The following ARHGAP10 variants were observed in gnomAD, a reference collection of about 807,000 sequenced individuals.
ARHGAP10 encodes rho GTPase-activating protein 10.
In ARHGAP10, 87 loss-of-function variants were observed where a neutral mutation model predicts 108.6. The ratio of observed to expected loss-of-function variants is 0.80; its 90% CI spans 0.67 to 0.96. The LOEUF (loss-of-function observed/expected upper bound fraction) is 0.96, where lower values mean the gene tolerates loss of function less well. ARHGAP10 is among the 40% of genes least tolerant of loss of function. ARHGAP10 has a pLI of 0.00. For missense variants in ARHGAP10, 939 were observed against 954.5 expected, an observed-to-expected ratio of 0.98 and a Z score of 0.21; for synonymous variants, 347 against 341.1, an observed-to-expected ratio of 1.02 and a Z score of -0.19.
chr4:147,793,776 C>T (rs78531415), intron 1 of ARHGAP10, among the ~76,000 whole-genome samples: 6,708 of 152,224 alleles, frequency 0.044, 174 homozygotes, highest in South Asian at 0.097. Flanking sequence ...TGCCTGTGTA[C>T]GTGCCTTCCC....
intron 20 of ARHGAP10, among the ~76,000 whole-genome samples, chr4:148,051,326 C>T (rs868181501): frequency 2.0e-5 from 3 of 152,162 alleles, no homozygotes; most frequent in African/African-American, 7.2e-5. Context: ...CAAGGTATTT[C>T]GAATGTTCCA....
chr4:147,956,012 C>T (rs964449915), intron 16 of ARHGAP10, among the ~76,000 whole-genome samples: 9 of 152,056 alleles, frequency 5.9e-5, no homozygotes, highest in Non-Finnish European at 1.2e-4. Context: ...ATCTTTGACA[C>T]GTGTTGTTTA....
At chr4:148,041,774 C>G (rs1339789185) in intron 19 of ARHGAP10, among the ~76,000 whole-genome samples, 1 of 152,148 alleles carries the variant, frequency 6.6e-6, no homozygotes, top group Admixed American at 6.5e-5. Flanking sequence ...CAATTGTGGT[C>G]AGTTTTTATG....
intron 1 of ARHGAP10, among the ~76,000 whole-genome samples, chr4:147,736,022 G>A (rs1728396730): frequency 6.6e-6 from 1 of 151,850 alleles, no homozygotes; most frequent in Non-Finnish European, 1.5e-5. Context: ...AATGTATCTT[G>A]TTCTTTAGAG....
chr4:147,779,930 C>G (rs1456348702), intron 1 of ARHGAP10, among the ~76,000 whole-genome samples: 1 of 152,162 alleles, frequency 6.6e-6, no homozygotes, highest in Non-Finnish European at 1.5e-5. Flanking sequence ...GACACTTACA[C>G]CCTTATAGTC....
intron 3 of ARHGAP10, among the ~76,000 whole-genome samples, chr4:147,839,779 C>T (rs1733337199): frequency 6.6e-6 from 1 of 152,178 alleles, no homozygotes; most frequent in Non-Finnish European, 1.5e-5. Context: ...CTAGCGTGGA[C>T]TGTGGAGGAT....
intron 19 of ARHGAP10, among the ~76,000 whole-genome samples, chr4:148,037,631 T>G (rs1728437821): frequency 6.6e-6 from 1 of 152,044 alleles, no homozygotes; most frequent in South Asian, 2.1e-4. Flanking sequence ...GGTCAGGAGA[T>G]TGAGATCATC....
chr4:147,970,236 C>T (rs1049643115), intron 18 of ARHGAP10, among the ~76,000 whole-genome samples: 1 of 152,134 alleles, frequency 6.6e-6, no homozygotes, highest in African/African-American at 2.4e-5. Flanking sequence ...TCTATGTTAG[C>T]CACGGGTTTC....
intron 1 of ARHGAP10, among the ~76,000 whole-genome samples, chr4:147,787,972 A>G (rs1023069032): frequency 6.6e-6 from 1 of 152,180 alleles, no homozygotes; most frequent in Admixed American, 6.5e-5. Context: ...AGGGCTAAGA[A>G]TTTAAAACCC....
At chr4:148,020,523 A>G (rs1054704946) in intron 18 of ARHGAP10, among the ~76,000 whole-genome samples, 3 of 150,656 alleles carry the variant, frequency 2.0e-5, no homozygotes, top group Non-Finnish European at 2.9e-5. Flanking sequence ...GCTCCTACTT[A>G]TAAGTGAGAA....
intron 1 of ARHGAP10, among the ~76,000 whole-genome samples, chr4:147,744,662 C>T (rs908210139): frequency 1.3e-5 from 2 of 152,058 alleles, no homozygotes; most frequent in East Asian, 1.9e-4. Context: ...TGCCCTGACA[C>T]CTCAGGTTCT....
intron 1 of ARHGAP10, among the ~76,000 whole-genome samples, chr4:147,749,078 A>G (rs569667287): frequency 6.6e-6 from 1 of 152,380 alleles, no homozygotes; most frequent in Admixed American, 6.5e-5. Context: ...TGAGGACTAT[A>G]TGAAAACAGT....
Position 147,912,837 on chromosome 4 carries a change from G to A in ARHGAP10, c.1163-237G>A, listed in dbSNP as rs547914429. 1.7e-4 allele frequency among the ~76,000 whole-genome samples: 26 copies of A among 151,386 alleles called. No homozygotes were observed. In the South Asian group the frequency reaches 5.4e-3, roughly 32 times the overall value. Reference sequence around the variant, plus strand: ...ATTTAAAAACATCTTCAGTAGAGGTGGGGCCTCACCATGTTCCCCAGGCAA... The same window carrying A: ...ATTTAAAAACATCTTCAGTAGAGGTAGGGCCTCACCATGTTCCCCAGGCAA... On this transcript the variant is annotated intron_variant, in intron 12 of 22. Coordinates refer to ENST00000336498, the MANE Select transcript of ARHGAP10 (RefSeq NM_024605.4).
intron 18 of ARHGAP10, among the ~76,000 whole-genome samples, chr4:148,003,259 C>A (rs998693355): frequency 2.0e-5 from 3 of 152,088 alleles, no homozygotes; most frequent in Admixed American, 6.5e-5. Flanking sequence ...TTCTAGTTTG[C>A]TTGCACTGTG....
chr4:148,033,720 T>C (rs1420145309), intron 19 of ARHGAP10, among the ~76,000 whole-genome samples: 1 of 152,186 alleles, frequency 6.6e-6, no homozygotes, highest in Non-Finnish European at 1.5e-5. Context: ...TATTTTGTAA[T>C]GGAAGGACTG....
intron 18 of ARHGAP10, among the ~76,000 whole-genome samples, chr4:147,984,754 T>C (rs146090538): frequency 6.6e-6 from 1 of 152,176 alleles, no homozygotes; most frequent in Non-Finnish European, 1.5e-5. Context: ...AAGAAGTGGC[T>C]TTTGGGTTAA....
At chr4:147,862,929 CA>C (rs2126841493) in intron 5 of ARHGAP10, 1 of 152,140 alleles carries the variant, frequency 6.6e-6, no homozygotes, top group East Asian at 1.9e-4. Flanking sequence ...TTATTGGAGG[CA>C]CAAAAATATG....
chr4:147,887,132 A>G (rs1403761639), intron 10 of ARHGAP10, among the ~76,000 whole-genome samples: 8 of 152,082 alleles, frequency 5.3e-5, no homozygotes, highest in Admixed American at 5.2e-4. Context: ...AAGCTCTGAC[A>G]CTGCCTTCCT....
chr4:147,873,681 A>AAAACACACACACACAC (rs749604498), intron 7 of ARHGAP10, among the ~76,000 whole-genome samples: 14 of 98,718 alleles, frequency 1.4e-4, no homozygotes, highest in African/African-American at 4.3e-4. Flanking sequence ...CAAAAAACAA[A>AAAACACACACACACAC]ACACACACAC....
Sources: allele counts gnomAD v4.1 joint callset (sites outside exome capture counted in the v4.1 genomes callset), GRCh38; gene constraint gnomAD v4.1.1; transcripts MANE v1.5; gene names NCBI Gene and HGNC (gene_info 2026-07-23, HGNC 2026-07-21).